The following CCDC73 variants were observed in gnomAD, a reference collection of about 807,000 sequenced individuals.
CCDC73 encodes coiled-coil domain-containing protein 73.
Under a neutral mutation model 116.5 loss-of-function variants are expected in CCDC73, and 95 were observed. That is an observed-to-expected ratio of 0.82 (90% CI 0.69 to 0.97). The LOEUF (loss-of-function observed/expected upper bound fraction) is 0.97. CCDC73 is among the 50% of genes least tolerant of loss of function. The pLI is 0.00. For missense variants in CCDC73, 1,066 were observed against 1,206.8 expected (o/e 0.88, Z 1.73); for synonymous variants, 398 against 401.3 (o/e 0.99, Z 0.10).
chr11:32,748,609 T>C (rs962380419), intron 2 of CCDC73, among the ~76,000 whole-genome samples: 2 of 152,216 alleles, frequency 1.3e-5, no homozygotes, highest in African/African-American at 4.8e-5. Context: ...TACAGTGTTA[T>C]AATATTCTGT....
At chr11:32,828,314 A>G in the CCDC73 span, among the ~76,000 whole-genome samples, 145,619 of 152,044 alleles carry the variant, frequency 0.96, 69,777 homozygotes, top group East Asian at 1. Flanking sequence ...TTTGAGAACA[A>G]CCTGGCCAAC....
At chr11:32,693,869 T>C (rs1856284704) in intron 6 of CCDC73, among the ~76,000 whole-genome samples, 1 of 152,242 alleles carries the variant, frequency 6.6e-6, no homozygotes, top group Admixed American at 6.5e-5. Flanking sequence ...CAACAGCCCT[T>C]CATGCTAAAA....
the CCDC73 span, chr11:32,830,232 C>A: frequency 9.4e-7 from 1 of 1,067,806 alleles, no homozygotes; most frequent in Non-Finnish European, 1.2e-6. Context: ...GGGGCCACCT[C>A]GGCGGACTGG....
chr11:32,613,380 GA>G, intron 16 of CCDC73, 41 bp downstream of exon 16: 1 of 1,489,346 alleles, frequency 6.7e-7, no homozygotes, highest in Non-Finnish European at 9.1e-7. Context: ...AGAATAAGTA[GA>G]AAAATATTTT....
intron 1 of CCDC73, among the ~76,000 whole-genome samples, chr11:32,787,559 A>G (rs1850639100): frequency 6.6e-6 from 1 of 152,224 alleles, no homozygotes; most frequent in South Asian, 2.1e-4. Context: ...CTTAAATATC[A>G]CATAAGTTGG....
At chr11:32,699,397 C>G in intron 5 of CCDC73, 72 bp from the exon 6 acceptor site, 1 of 1,353,862 alleles carries the variant, frequency 7.4e-7, no homozygotes, top group South Asian at 1.5e-5. Flanking sequence ...TATAAGAGCT[C>G]AAGAACCCTT....
At chr11:32,798,980 G>A (rs1403305465), upstream of CCDC73, among the ~76,000 whole-genome samples, 1 of 150,506 alleles carries the variant, frequency 6.6e-6, no homozygotes, top group Admixed American at 6.7e-5. Context: ...GTGCAATCTT[G>A]GCTCACTGCA....
At chr11:32,708,281 G>A (rs1173888911) in intron 3 of CCDC73, among the ~76,000 whole-genome samples, 2 of 152,144 alleles carry the variant, frequency 1.3e-5, no homozygotes, top group Non-Finnish European at 2.9e-5. Flanking sequence ...TTTTATACCA[G>A]TATCATGCTG....
chr11:32,639,003 C>T (rs1047916539), intron 13 of CCDC73, among the ~76,000 whole-genome samples: 1 of 151,410 alleles, frequency 6.6e-6, no homozygotes, highest in African/African-American at 2.4e-5. Flanking sequence ...AAAAAGTTAG[C>T]CGGGCATGGT....
At chr11:32,767,625 G>GA (rs931417203) in intron 1 of CCDC73, among the ~76,000 whole-genome samples, 4 of 152,100 alleles carry the variant, frequency 2.6e-5, no homozygotes, top group South Asian at 2.1e-4. Flanking sequence ...AAATTTACAA[G>GA]AAAAAAACAA....
the CCDC73 span, among the ~76,000 whole-genome samples, chr11:32,827,020 C>G: frequency 0.2 from 30,779 of 151,866 alleles, 3,459 homozygotes; most frequent in East Asian, 0.55. Context: ...TGCCACCATG[C>G]CTGGCTAATT....
the CCDC73 span, among the ~76,000 whole-genome samples, chr11:32,822,405 A>G: frequency 2.0e-5 from 3 of 152,186 alleles, no homozygotes; most frequent in Non-Finnish European, 2.9e-5. Context: ...ATCATTTATG[A>G]CTAAAGACTT....
intron 6 of CCDC73, among the ~76,000 whole-genome samples, chr11:32,698,357 T>C (rs1849776482): frequency 6.6e-6 from 1 of 152,174 alleles, no homozygotes; most frequent in Non-Finnish European, 1.5e-5. Flanking sequence ...AGCCTAGATG[T>C]CTTATAGAAT....
Position 32,607,888 on chromosome 11 carries a change from G to A in CCDC73, c.3030+3244C>T, listed in dbSNP as rs114437026. On this transcript the variant is annotated intron_variant, in intron 17 of 17. Coordinates refer to ENST00000335185, the MANE Select transcript of CCDC73 (RefSeq NM_001008391.4). ...CTCATAATCATGGCAGAAGGCGAAA[G>A]GCAATTCTTACATGGTGGCAGCAAA... Among the ~76,000 whole-genome samples the A allele has an allele frequency of 7.1e-3, 1,084 of 152,300 alleles. 17 individuals are homozygous for A. Among genetic ancestry groups the A allele is most frequent in the African/African-American group, 0.025 (1,045 of 41,556 alleles).
At chr11:32,680,488 T>C (rs1389190491) in intron 7 of CCDC73, 1 of 152,136 alleles carries the variant, frequency 6.6e-6, no homozygotes, top group Non-Finnish European at 1.5e-5. Flanking sequence ...ACAAATCTAA[T>C]CTATGAAAGT....
At chr11:32,729,051 A>AG (rs1328732842) in intron 2 of CCDC73, among the ~76,000 whole-genome samples, 1 of 151,530 alleles carries the variant, frequency 6.6e-6, no homozygotes, top group African/African-American at 2.4e-5. Flanking sequence ...GTACATGTGC[A>AG]GGATGTGCAG....
At chr11:32,788,926 G>A (rs1850649753) in intron 1 of CCDC73, among the ~76,000 whole-genome samples, 1 of 152,110 alleles carries the variant, frequency 6.6e-6, no homozygotes, top group Non-Finnish European at 1.5e-5. Flanking sequence ...TCAAAGTCAT[G>A]GTGCCCAAGC....
chr11:32,691,113 C>T (rs987145207), intron 6 of CCDC73, among the ~76,000 whole-genome samples: 2 of 150,092 alleles, frequency 1.3e-5, no homozygotes, highest in African/African-American at 2.5e-5. Context: ...GGTGTGATCT[C>T]GGCTCACTGC....
intron 3 of CCDC73, among the ~76,000 whole-genome samples, chr11:32,715,652 C>T (rs187274637): frequency 1.3e-5 from 2 of 152,210 alleles, no homozygotes; most frequent in Admixed American, 1.3e-4. Context: ...GGACTGAGAA[C>T]TAAAACCACC....
Sources: allele counts gnomAD v4.1 joint callset (sites outside exome capture counted in the v4.1 genomes callset), GRCh38; gene constraint gnomAD v4.1.1; transcripts MANE v1.5; gene names NCBI Gene and HGNC (gene_info 2026-07-23, HGNC 2026-07-21).